TENM2: variants seen among roughly 807,000 people sequenced by gnomAD.
The protein encoded by TENM2 is teneurin transmembrane protein 2.
A neutral mutation model predicts 245.2 loss-of-function variants in TENM2; 52 were observed. The ratio of observed to expected loss-of-function variants is 0.21; its 90% CI spans 0.17 to 0.27. The LOEUF (loss-of-function observed/expected upper bound fraction) is 0.27, where lower values mean the gene tolerates loss of function less well. Ranked by LOEUF, TENM2 falls within the 10% of genes least tolerant of loss-of-function variation. TENM2 has a pLI of 1.00. For synonymous variants in TENM2, 1,363 were observed against 1,438.9 expected (o/e 0.95, Z 1.19); for missense variants, 3,046 against 3,666.8 (o/e 0.83, Z 4.37).
chr5:167,017,118 A>T, the TENM2 span, among the ~76,000 whole-genome samples: 1 of 152,176 alleles, frequency 6.6e-6, no homozygotes, highest in African/African-American at 2.4e-5. Context: ...AACATTGTTG[A>T]GATTTCAGGA....
chr5:167,142,872 G>A, the TENM2 span, among the ~76,000 whole-genome samples: 2 of 151,460 alleles, frequency 1.3e-5, no homozygotes, highest in African/African-American at 4.9e-5. Flanking sequence ...TTAAGCCAGC[G>A]AATCTGAGTG....
At chr5:167,627,364 A>G (rs562059289) in intron 2 of TENM2, among the ~76,000 whole-genome samples, 3 of 152,288 alleles carry the variant, frequency 2.0e-5, no homozygotes, top group East Asian at 3.9e-4. Flanking sequence ...CCTATTATCA[A>G]TGTAGCTACC....
chr5:167,293,224 A>G (rs1460594013), intron 1 of TENM2, among the ~76,000 whole-genome samples: 1 of 152,046 alleles, frequency 6.6e-6, no homozygotes, highest in Non-Finnish European at 1.5e-5. Flanking sequence ...GTTTTAAGGC[A>G]GAGCTTCACT....
At chr5:167,420,033 C>A (rs144037402) in intron 2 of TENM2, among the ~76,000 whole-genome samples, 2 of 152,006 alleles carry the variant, frequency 1.3e-5, no homozygotes, top group East Asian at 3.9e-4. Context: ...AAATAATAAA[C>A]GAAAAGAAGG....
rs558240596 is a variant in TENM2, at chr5:167,902,744, A to G, written c.712+26549A>G. Among the ~76,000 whole-genome samples, 34 of 152,278 alleles carry G rather than the reference A, an allele frequency of 2.2e-4. 1 individual carries two copies. In the South Asian group the frequency reaches 7.1e-3, roughly 32 times the overall value. On this transcript the variant is annotated intron_variant, in intron 3 of 28. Coordinates refer to ENST00000518659, the Ensembl canonical transcript of TENM2. ...AAGGGGAACCTGTTTTCATATTGCA[A>G]TACTTCAGCTCTGCCTGGAAAGTGA... is the stretch of plus-strand genomic sequence containing the variant.
chr5:167,616,790 A>G (rs1777817515), intron 2 of TENM2, among the ~76,000 whole-genome samples: 1 of 152,132 alleles, frequency 6.6e-6, no homozygotes, highest in African/African-American at 2.4e-5. Context: ...TAAAAAGGGC[A>G]ATGCATGTTT....
intron 1 of TENM2, among the ~76,000 whole-genome samples, chr5:167,341,061 C>T (rs977316167): frequency 3.9e-5 from 6 of 152,066 alleles, no homozygotes; most frequent in African/African-American, 1.2e-4. Flanking sequence ...GATTCGCATT[C>T]GATGAGAGGC....
chr5:167,083,332 C>T, the TENM2 span, among the ~76,000 whole-genome samples: 1 of 152,170 alleles, frequency 6.6e-6, no homozygotes, highest in Non-Finnish European at 1.5e-5. Context: ...TCTGGGAAGA[C>T]AACCACCATA....
intron 17 of TENM2, among the ~76,000 whole-genome samples, chr5:168,201,900 G>A (rs1009710076): frequency 3.9e-5 from 6 of 152,086 alleles, no homozygotes; most frequent in South Asian, 2.1e-4. Flanking sequence ...GCATAATTAC[G>A]GCTATTTGGC....
chr5:167,691,290 G>A (rs2150405996), intron 2 of TENM2, among the ~76,000 whole-genome samples: 1 of 152,188 alleles, frequency 6.6e-6, no homozygotes, highest in South Asian at 2.1e-4. Context: ...AAATTTGTAA[G>A]GACCATCTCT....
At chr5:167,180,848 A>AAGTGGGT in the TENM2 span, among the ~76,000 whole-genome samples, 4 of 151,982 alleles carry the variant, frequency 2.6e-5, no homozygotes, top group Non-Finnish European at 5.9e-5. Context: ...GAAAGAGGAC[A>AAGTGGGT]AGTGGGTCTT....
the TENM2 span, among the ~76,000 whole-genome samples, chr5:167,101,849 T>TTATATATATATATATATATTTATATA: frequency 1.4e-5 from 1 of 69,456 alleles, no homozygotes; most frequent in Non-Finnish European, 2.6e-5. Context: ...ATATATATAT[T>TTATATATATATATATATATTTATATA]TATATATATA....
At chr5:167,173,092 G>A in the TENM2 span, among the ~76,000 whole-genome samples, 2 of 152,132 alleles carry the variant, frequency 1.3e-5, no homozygotes, top group African/African-American at 4.8e-5. Context: ...TAAGACTGTG[G>A]TGTTAGGCTC....
chr5:167,185,071 G>A, the TENM2 span, among the ~76,000 whole-genome samples: 25 of 151,640 alleles, frequency 1.6e-4, no homozygotes, highest in South Asian at 4.6e-3. Context: ...GGGGGTTAGG[G>A]ACCCCTGCTC....
At chr5:167,874,638 T>C (rs1773265830) in intron 2 of TENM2, among the ~76,000 whole-genome samples, 1 of 152,106 alleles carries the variant, frequency 6.6e-6, no homozygotes, top group Non-Finnish European at 1.5e-5. Context: ...ACTTCCCAAA[T>C]GAGCAAACCA....
rs183997698 is a variant in TENM2, at chr5:167,520,562, G to A, written c.502+145089G>A. Among the ~76,000 whole-genome samples, 35 of 152,090 alleles carry A rather than the reference G, an allele frequency of 2.3e-4. No homozygotes were observed. In the South Asian group the frequency reaches 4.4e-3, roughly 19 times the overall value. On this transcript the variant is annotated intron_variant, in intron 2 of 28. Coordinates refer to ENST00000518659, the Ensembl canonical transcript of TENM2. ...CATGTTTAGAAAAGATGAAAGAGAGGGCTGATTTGGATATGGGCAGACTTG... is the reference window on the plus strand; with the variant it reads ...CATGTTTAGAAAAGATGAAAGAGAGAGCTGATTTGGATATGGGCAGACTTG...
intron 2 of TENM2, among the ~76,000 whole-genome samples, chr5:167,499,442 C>A (rs1008550698): frequency 6.6e-6 from 1 of 152,144 alleles, no homozygotes; most frequent in African/African-American, 2.4e-5. Flanking sequence ...ATATTTATGA[C>A]TAAAATGATG....
In TENM2 at chr5:167,819,212, C is replaced by T. The variant is rs533700561; in HGVS notation, c.503-56774C>T. Among the ~76,000 whole-genome samples, 508 of 152,258 alleles carry T rather than the reference C, an allele frequency of 3.3e-3. 2 individuals are homozygous for T. Among genetic ancestry groups the T allele is most frequent in the African/African-American group, 0.012 (481 of 41,554 alleles). The stretch of plus-strand genomic sequence containing the variant: ...ACTGGAGAGTGGGACTTCCCCTGTC[C>T]GGGCTCTTTTCTACTGACCTGCACT... On this transcript the variant is annotated intron_variant, in intron 2 of 28. Transcript: ENST00000518659.
intron 12 of TENM2, among the ~76,000 whole-genome samples, chr5:168,154,582 T>C (rs1161707183): frequency 6.6e-6 from 1 of 152,212 alleles, no homozygotes; most frequent in Non-Finnish European, 1.5e-5. Flanking sequence ...TACAAGTTCA[T>C]CATTTTTCTG....
Sources: allele counts gnomAD v4.1 joint callset (sites outside exome capture counted in the v4.1 genomes callset), GRCh38; gene constraint gnomAD v4.1.1; transcripts MANE v1.5; gene names NCBI Gene and HGNC (gene_info 2026-07-23, HGNC 2026-07-21).